Variants in SH3BGRL observed in about 807,000 individuals in gnomAD.
SH3BGRL encodes SH3 domain binding glutamate rich protein like.
Under a neutral mutation model 9.8 loss-of-function variants are expected in SH3BGRL, and 7 were observed. That is an observed-to-expected ratio of 0.72 (90% CI 0.41 to 1.35). The LOEUF is 1.35. SH3BGRL is among the 40% of genes most tolerant of loss of function. The pLI is 0.01. For missense variants in SH3BGRL, 73 were observed against 84.4 expected (o/e 0.86, Z 0.53); for synonymous variants, 36 against 29.1 (o/e 1.24, Z -0.76).
chrX:81,281,902 A>T (rs1232177425), intron 3 of SH3BGRL, among the ~76,000 whole-genome samples: 11 of 112,086 alleles, frequency 9.8e-5, no homozygotes, highest in Non-Finnish European at 1.3e-4. Context: ...TGCAGAATGG[A>T]TAAGAACTCG....
intron 1 of SH3BGRL, among the ~76,000 whole-genome samples, chrX:81,258,580 C>G (rs1462917489): frequency 8.9e-6 from 1 of 112,346 alleles, no homozygotes; most frequent in African/African-American, 3.2e-5. Context: ...ATATCTTAAC[C>G]TGTCCTAAAT....
At chrX:81,272,195 C>CAAA (rs11380632) in intron 1 of SH3BGRL, among the ~76,000 whole-genome samples, 61 of 74,840 alleles carry the variant, frequency 8.2e-4, no homozygotes, top group African/African-American at 3.0e-3. Flanking sequence ...AGACTGCGTC[C>CAAA]AAAAAAAAAA....
chrX:81,220,607 C>T (rs5959856), intron 1 of SH3BGRL, among the ~76,000 whole-genome samples: 2,832 of 105,728 alleles, frequency 0.027, 100 homozygotes, highest in African/African-American at 0.093. Context: ...TTTTTCATTT[C>T]AATTTAATTT....
At chrX:81,217,628 T>C (rs1026150684) in intron 1 of SH3BGRL, among the ~76,000 whole-genome samples, 1 of 111,411 alleles carries the variant, frequency 9.0e-6, no homozygotes, top group East Asian at 2.8e-4. Flanking sequence ...CTTGATAGAA[T>C]TTTCATTTTC....
chrX:81,251,626 CATATG>C (rs1476081342), intron 1 of SH3BGRL, among the ~76,000 whole-genome samples: 2 of 111,549 alleles, frequency 1.8e-5, no homozygotes, highest in Non-Finnish European at 3.8e-5. Context: ...TCATGTCTGG[CATATG>C]ATATAAGTAT....
intron 1 of SH3BGRL, among the ~76,000 whole-genome samples, chrX:81,205,206 AC>A (rs927728484): frequency 3.6e-5 from 4 of 110,207 alleles, no homozygotes; most frequent in African/African-American, 1.3e-4. Flanking sequence ...TCATTAACCA[AC>A]CTCTCTTAAT....
chrX:81,288,926 T>A (rs993940465), intron 3 of SH3BGRL, among the ~76,000 whole-genome samples: 3 of 111,086 alleles, frequency 2.7e-5, no homozygotes, highest in African/African-American at 9.8e-5. Flanking sequence ...TAAAAAAAAA[T>A]CTAAAATTCA....
At chrX:81,238,818 GA>G (rs2147685427) in intron 1 of SH3BGRL, among the ~76,000 whole-genome samples, 2 of 109,794 alleles carry the variant, frequency 1.8e-5, no homozygotes, top group East Asian at 5.8e-4. Context: ...GAGAGAGAGA[GA>G]GAGAGAGGGA....
intron 1 of SH3BGRL, among the ~76,000 whole-genome samples, chrX:81,272,660 C>T (rs751496909): frequency 4.6e-5 from 5 of 109,401 alleles, no homozygotes; most frequent in Non-Finnish European, 7.6e-5. Flanking sequence ...ACACCACGCC[C>T]GGCTAATTTT....
intron 1 of SH3BGRL, among the ~76,000 whole-genome samples, chrX:81,240,153 C>A (rs758996202): frequency 7.1e-4 from 80 of 112,279 alleles, no homozygotes; most frequent in Non-Finnish European, 1.3e-3. Context: ...GTGTGTAACA[C>A]TCTTATCCTG....
chrX:81,227,453 C>T (rs1053262165), intron 1 of SH3BGRL, among the ~76,000 whole-genome samples: 5 of 111,627 alleles, frequency 4.5e-5, no homozygotes, highest in Non-Finnish European at 9.4e-5. Flanking sequence ...GAACAGGGGG[C>T]CTGTCTCATC....
intron 1 of SH3BGRL, among the ~76,000 whole-genome samples, chrX:81,223,737 G>C (rs971170368): frequency 1.8e-5 from 2 of 111,010 alleles, no homozygotes; most frequent in East Asian, 5.6e-4. Context: ...GTCACGCTCT[G>C]TGTTCCAGGC....
At chrX:81,252,065 A>G (rs2075712539) in intron 1 of SH3BGRL, among the ~76,000 whole-genome samples, 1 of 112,195 alleles carries the variant, frequency 8.9e-6, no homozygotes, top group Non-Finnish European at 1.9e-5. Flanking sequence ...ATCTATTGTG[A>G]AAAAGTTGCA....
intron 1 of SH3BGRL, among the ~76,000 whole-genome samples, chrX:81,238,064 C>T (rs891923733): frequency 1.8e-5 from 2 of 109,491 alleles, no homozygotes; most frequent in African/African-American, 6.7e-5. Context: ...CTAAAGAGGC[C>T]TCAGGCCCTG....
chrX:81,268,990 T>C (rs1296348167), intron 1 of SH3BGRL, among the ~76,000 whole-genome samples: 2 of 111,864 alleles, frequency 1.8e-5, no homozygotes, highest in Non-Finnish European at 3.8e-5. Context: ...TTTGTCTCTT[T>C]TGATCTTTGT....
chrX:81,263,464 A>G (rs1034452885), intron 1 of SH3BGRL, among the ~76,000 whole-genome samples: 5 of 112,040 alleles, frequency 4.5e-5, no homozygotes, highest in Non-Finnish European at 7.5e-5. Context: ...ACGTTTGATA[A>G]GACAAGACTA....
At chrX:81,286,498 C>CAAAA (rs570813241) in intron 3 of SH3BGRL, among the ~76,000 whole-genome samples, 23 of 46,408 alleles carry the variant, frequency 5.0e-4, no homozygotes, top group African/African-American at 2.1e-3. Flanking sequence ...AGCTACTAGG[C>CAAAA]AAAAAAAAAA....
intron 1 of SH3BGRL, among the ~76,000 whole-genome samples, chrX:81,264,267 G>A (rs955309648): frequency 9.0e-6 from 1 of 110,728 alleles, no homozygotes; most frequent in African/African-American, 3.3e-5. Flanking sequence ...TGTACTGTAA[G>A]TAATGAAAAA....
At chrX:81,209,900 G>T (rs2075558271) in intron 1 of SH3BGRL, among the ~76,000 whole-genome samples, 1 of 111,639 alleles carries the variant, frequency 9.0e-6, no homozygotes, top group South Asian at 3.8e-4. Flanking sequence ...GCTGGCCTGT[G>T]TTACATACTG....
Sources: gnomAD v4.1 joint callset for allele counts (sites outside exome capture counted in the v4.1 genomes callset) on GRCh38, gnomAD v4.1.1 for gene constraint, MANE v1.5 for transcripts, NCBI Gene and HGNC (gene_info 2026-07-23, HGNC 2026-07-21) for gene names.